Variants in CCSER1 observed in about 807,000 individuals in gnomAD.
The protein encoded by CCSER1 is coiled-coil serine rich protein 1.
In CCSER1, 41 loss-of-function variants were observed where a neutral mutation model predicts 82.0. The observed-to-expected ratio is 0.50, with a 90% CI of 0.39 to 0.65. The LOEUF is 0.65. CCSER1 is among the 30% of genes least tolerant of loss of function. The probability of loss-of-function intolerance (pLI) is 0.00; values close to 1 mark genes in which losing one functional copy is unlikely to be tolerated. For missense variants in CCSER1, 1,119 were observed against 1,064.2 expected (o/e 1.05, Z -0.72); for synonymous variants, 414 against 383.9 (o/e 1.08, Z -0.92).
At chr4:90,378,697 C>G (rs1194193357) in intron 3 of CCSER1, among the ~76,000 whole-genome samples, 10 of 152,122 alleles carry the variant, frequency 6.6e-5, no homozygotes, top group Admixed American at 6.5e-4. Flanking sequence ...ATAAGTAAAT[C>G]AAGAAATCGT....
At chr4:91,145,923 T>C (rs1729488033) in intron 10 of CCSER1, among the ~76,000 whole-genome samples, 1 of 152,180 alleles carries the variant, frequency 6.6e-6, no homozygotes, top group East Asian at 1.9e-4. Flanking sequence ...CTGATGACTA[T>C]GTGTCTTGGG....
chr4:91,481,935 AC>A (rs1757938494), intron 10 of CCSER1, among the ~76,000 whole-genome samples: 3 of 148,826 alleles, frequency 2.0e-5, no homozygotes, highest in African/African-American at 7.3e-5. Flanking sequence ...CAAGAAAAAA[AC>A]AACCCCATCA....
At chr4:90,333,657 G>A (rs997406599) in intron 3 of CCSER1, among the ~76,000 whole-genome samples, 4 of 152,148 alleles carry the variant, frequency 2.6e-5, no homozygotes, top group Non-Finnish European at 5.9e-5. Flanking sequence ...AATTGTCAAA[G>A]TGTAATTTTC....
intron 10 of CCSER1, among the ~76,000 whole-genome samples, chr4:91,349,583 C>T (rs922424120): frequency 6.6e-6 from 1 of 152,102 alleles, no homozygotes; most frequent in Non-Finnish European, 1.5e-5. Flanking sequence ...TTCTCATTTC[C>T]CAGTTTGTTT....
intron 6 of CCSER1, among the ~76,000 whole-genome samples, chr4:90,722,511 T>C (rs908696205): frequency 4.0e-4 from 61 of 151,998 alleles, no homozygotes; most frequent in African/African-American, 1.3e-3. Flanking sequence ...ATTTCCTGGA[T>C]TGATCAAATA....
intron 1 of CCSER1, among the ~76,000 whole-genome samples, chr4:90,280,910 G>A (rs923090051): frequency 5.3e-5 from 8 of 151,884 alleles, no homozygotes; most frequent in South Asian, 4.2e-4. Flanking sequence ...TGTAAATCAC[G>A]TGGTCACATT....
intron 6 of CCSER1, among the ~76,000 whole-genome samples, chr4:90,684,221 T>C (rs1458954883): frequency 6.6e-6 from 1 of 152,190 alleles, no homozygotes; most frequent in East Asian, 1.9e-4. Flanking sequence ...TTCAAAAAAT[T>C]GTATCTAGGA....
At chr4:91,218,937 G>A (rs1185804829) in intron 10 of CCSER1, among the ~76,000 whole-genome samples, 2 of 152,122 alleles carry the variant, frequency 1.3e-5, no homozygotes, top group Admixed American at 6.6e-5. Context: ...TAAAGCAACT[G>A]TGGCCATTTT....
intron 9 of CCSER1, among the ~76,000 whole-genome samples, chr4:90,982,520 C>G (rs1253505159): frequency 6.6e-6 from 1 of 151,450 alleles, no homozygotes; most frequent in Non-Finnish European, 1.5e-5. Context: ...AATCTAGGAC[C>G]AGAATGGGAA....
intron 5 of CCSER1, among the ~76,000 whole-genome samples, chr4:90,494,868 T>G (rs1431655805): frequency 6.6e-6 from 1 of 151,930 alleles, no homozygotes; most frequent in Admixed American, 6.6e-5. Context: ...AGATTTTTTT[T>G]TTCCTTCAAA....
chr4:90,914,268 A>C (rs998336678), intron 8 of CCSER1, among the ~76,000 whole-genome samples: 1 of 152,178 alleles, frequency 6.6e-6, no homozygotes, highest in African/African-American at 2.4e-5. Context: ...AGCAAATGTA[A>C]AAGAACAGAA....
intron 3 of CCSER1, among the ~76,000 whole-genome samples, chr4:90,397,786 G>A (rs528111776): frequency 1.3e-5 from 2 of 152,144 alleles, no homozygotes; most frequent in African/African-American, 4.8e-5. Context: ...GGGTAGGGTG[G>A]TTCCAATTAA....
intron 4 of CCSER1, among the ~76,000 whole-genome samples, chr4:90,436,663 A>C (rs1224593753): frequency 6.6e-6 from 1 of 152,240 alleles, no homozygotes; most frequent in Non-Finnish European, 1.5e-5. Flanking sequence ...ATATCACAAA[A>C]AATTGATTCA....
intron 1 of CCSER1, among the ~76,000 whole-genome samples, chr4:90,265,156 C>A (rs1315577446): frequency 6.6e-6 from 1 of 151,754 alleles, no homozygotes; most frequent in Non-Finnish European, 1.5e-5. Flanking sequence ...CAATCTCTTC[C>A]TTGACTATTT....
intron 1 of CCSER1, among the ~76,000 whole-genome samples, chr4:90,230,644 A>G (rs1483340518): frequency 1.3e-5 from 2 of 149,966 alleles, no homozygotes; most frequent in Non-Finnish European, 3.0e-5. Flanking sequence ...AAGGAAATAG[A>G]GACACAAAAA....
intron 5 of CCSER1, among the ~76,000 whole-genome samples, chr4:90,532,224 C>G (rs1211090312): frequency 6.6e-6 from 1 of 152,166 alleles, no homozygotes; most frequent in Admixed American, 6.5e-5. Flanking sequence ...AGAGTGCACA[C>G]TTTCCATTTT....
At chr4:90,802,453 A>G (rs1756958029) in intron 7 of CCSER1, among the ~76,000 whole-genome samples, 2 of 151,678 alleles carry the variant, frequency 1.3e-5, no homozygotes. Flanking sequence ...TCATTTAAAA[A>G]GTACACTTAC....
chr4:90,711,067 T>C (rs1342995012), intron 6 of CCSER1, among the ~76,000 whole-genome samples: 5 of 152,118 alleles, frequency 3.3e-5, no homozygotes, highest in Non-Finnish European at 7.4e-5. Context: ...GCTGTATTCC[T>C]AGGAATTTTA....
At chr4:90,442,461 C>G (rs28465975) in intron 4 of CCSER1, among the ~76,000 whole-genome samples, 18,599 of 152,126 alleles carry the variant, frequency 0.12, 1,950 homozygotes, top group African/African-American at 0.29. Context: ...ACTCTAGTTC[C>G]ACAGAGTTTT....
Sources: gnomAD v4.1 joint callset for allele counts (sites outside exome capture counted in the v4.1 genomes callset) on GRCh38, gnomAD v4.1.1 for gene constraint, MANE v1.5 for transcripts, NCBI Gene and HGNC (gene_info 2026-07-23, HGNC 2026-07-21) for gene names.